Variants in FMN2 observed in about 807,000 individuals in gnomAD.
The protein encoded by FMN2 is formin-2.
Under a neutral mutation model 142.3 loss-of-function variants are expected in FMN2, and 51 were observed. The ratio of observed to expected loss-of-function variants is 0.36; its 90% CI spans 0.29 to 0.45. The LOEUF is 0.45. Ranked by LOEUF, FMN2 falls within the 20% of genes least tolerant of loss-of-function variation. The pLI, the probability that FMN2 is intolerant of heterozygous loss-of-function variation, is 1.00. For synonymous variants in FMN2, 882 were observed against 869.8 expected, an observed-to-expected ratio of 1.01 and a Z score of -0.25; for missense variants, 1,936 against 2,122.8, an observed-to-expected ratio of 0.91 and a Z score of 1.73.
At chr1:240,122,321 T>A (rs1330518012) in intron 1 of FMN2, among the ~76,000 whole-genome samples, 78 of 151,978 alleles carry the variant, frequency 5.1e-4, no homozygotes. Context: ...TAGAGTGCAG[T>A]GGTGCGATCT....
intron 4 of FMN2, among the ~76,000 whole-genome samples, chr1:240,194,729 C>T (rs1246443693): frequency 1.3e-5 from 2 of 152,200 alleles, no homozygotes; most frequent in East Asian, 3.9e-4. Context: ...GTAGGATTAT[C>T]TTTGGGATGC....
chr1:240,306,260 T>G (rs554916016), intron 8 of FMN2, among the ~76,000 whole-genome samples: 1 of 152,290 alleles, frequency 6.6e-6, no homozygotes, highest in African/African-American at 2.4e-5. Context: ...TTATAGTTTT[T>G]ATTTTCTTTT....
Position 240,093,123 on chromosome 1 carries a change from C to G in FMN2, c.1014C>G (p.Pro338=), listed in dbSNP as rs541790538. The G allele has an allele frequency of 8.4e-5, 118 of 1,399,280 alleles. 1 individual carries two copies. The African/African-American group carries it at 1.7e-3, about 20-fold the overall frequency. The allele number at this position is 1,399,280 out of a possible 1,614,324, so 86.7% of individuals were successfully genotyped here. Reference sequence around the variant, plus strand: ...CGGGGGAGGAAGCGGCCGGAGCCCCCGTGCGAGGGGCTGGGGACACGGATG... The same window carrying G: ...CGGGGGAGGAAGCGGCCGGAGCCCCGGTGCGAGGGGCTGGGGACACGGATG... ...AGPGEEAAGA[P]VRGAGDTDEE... The change falls in exon 1 of 18, where the codon CCC becomes CCG. Residue 338 remains proline (P), a synonymous_variant. Coordinates refer to ENST00000319653, the MANE Select transcript of FMN2 (RefSeq NM_020066.5).
At chr1:240,317,602 T>A (rs1394855598) in intron 8 of FMN2, among the ~76,000 whole-genome samples, 1 of 152,242 alleles carries the variant, frequency 6.6e-6, no homozygotes, top group South Asian at 2.1e-4. Flanking sequence ...TTGAGTAGTA[T>A]TTCATGGTAT....
intron 4 of FMN2, among the ~76,000 whole-genome samples, chr1:240,191,821 A>G (rs909110489): frequency 2.6e-5 from 4 of 152,216 alleles, no homozygotes; most frequent in Non-Finnish European, 2.9e-5. Context: ...TCTAATATAC[A>G]TGGACTAGCT....
At chr1:240,130,993 G>A (rs183521779) in intron 2 of FMN2, among the ~76,000 whole-genome samples, 13 of 152,196 alleles carry the variant, frequency 8.5e-5, no homozygotes, top group Non-Finnish European at 1.3e-4. Flanking sequence ...ACTGGCTTAC[G>A]ATTCACTTTA....
chr1:240,447,137 G>A (rs1675848479), intron 16 of FMN2, among the ~76,000 whole-genome samples: 1 of 152,106 alleles, frequency 6.6e-6, no homozygotes, highest in African/African-American at 2.4e-5. Context: ...TTGACAGACA[G>A]CAATTCGCTC....
intron 6 of FMN2, among the ~76,000 whole-genome samples, chr1:240,256,318 C>T (rs2883883): frequency 0.69 from 104,469 of 151,978 alleles, 36,533 homozygotes; most frequent in East Asian, 0.85. Context: ...TTAACCTCAT[C>T]TTTCTAGGTG....
chr1:240,460,361 G>A (rs1204458380), intron 16 of FMN2, among the ~76,000 whole-genome samples: 1 of 152,198 alleles, frequency 6.6e-6, no homozygotes, highest in African/African-American at 2.4e-5. Context: ...AGAGGCCAAG[G>A]CGGGCATATC....
chr1:240,258,856 T>C (rs1399134621), intron 7 of FMN2, among the ~76,000 whole-genome samples: 3 of 152,226 alleles, frequency 2.0e-5, no homozygotes, highest in Non-Finnish European at 4.4e-5. Flanking sequence ...AATTATCCAA[T>C]GGAATGCCAG....
chr1:240,219,294 A>G (rs1161139666), intron 6 of FMN2, among the ~76,000 whole-genome samples: 1 of 152,200 alleles, frequency 6.6e-6, no homozygotes, highest in Non-Finnish European at 1.5e-5. Context: ...GGTATGAAAC[A>G]GCAGGATGTA....
intron 7 of FMN2, among the ~76,000 whole-genome samples, chr1:240,283,305 C>T (rs983063800): frequency 2.0e-5 from 3 of 152,180 alleles, no homozygotes; most frequent in African/African-American, 7.2e-5. Flanking sequence ...CTAGTAATGT[C>T]TGTCTGTTGC....
chr1:240,238,168 C>T (rs1391580486), intron 6 of FMN2, among the ~76,000 whole-genome samples: 3 of 152,164 alleles, frequency 2.0e-5, no homozygotes, highest in Non-Finnish European at 4.4e-5. Flanking sequence ...TACCTTTATG[C>T]AGCTGACTGT....
chr1:240,130,449 G>C (rs1263665302), intron 2 of FMN2, among the ~76,000 whole-genome samples: 2 of 152,036 alleles, frequency 1.3e-5, no homozygotes, highest in Non-Finnish European at 2.9e-5. Context: ...ATTACAGGTG[G>C]ATGCTACCAC....
intron 14 of FMN2, among the ~76,000 whole-genome samples, chr1:240,391,685 T>C (rs1387247269): frequency 2.6e-5 from 4 of 152,148 alleles, no homozygotes; most frequent in African/African-American, 9.7e-5. Flanking sequence ...ATCTGATAGA[T>C]AGGCTAAAAA....
intron 8 of FMN2, among the ~76,000 whole-genome samples, chr1:240,316,683 T>G (rs903010253): frequency 2.6e-5 from 4 of 152,140 alleles, no homozygotes; most frequent in Non-Finnish European, 5.9e-5. Flanking sequence ...GATGAACAGA[T>G]TTGGGGACAA....
chr1:240,112,352 G>T (rs1466846834), intron 1 of FMN2, among the ~76,000 whole-genome samples: 1 of 151,962 alleles, frequency 6.6e-6, no homozygotes, highest in Non-Finnish European at 1.5e-5. Flanking sequence ...GGTTGGTCTC[G>T]ATCTCTTGAC....
chr1:240,469,005 T>C (rs1676725265), intron 16 of FMN2, among the ~76,000 whole-genome samples: 1 of 152,164 alleles, frequency 6.6e-6, no homozygotes, highest in African/African-American at 2.4e-5. Flanking sequence ...AATTGGCTTT[T>C]GGAAGCAGCA....
intron 16 of FMN2, among the ~76,000 whole-genome samples, chr1:240,466,768 T>C (rs1176125955): frequency 6.6e-6 from 1 of 152,174 alleles, no homozygotes; most frequent in East Asian, 1.9e-4. Context: ...TTCTTTGAAA[T>C]GTGGAGCCGC....
Sources: allele counts gnomAD v4.1 joint callset (sites outside exome capture counted in the v4.1 genomes callset), GRCh38; gene constraint gnomAD v4.1.1; transcripts MANE v1.5; gene names NCBI Gene and HGNC (gene_info 2026-07-23, HGNC 2026-07-21).